Variants in CABLES1 observed in about 807,000 individuals in gnomAD.
The protein encoded by CABLES1 is Cdk5 and Abl enzyme substrate 1, also known as CDK5 and ABL1 enzyme substrate 1.
A neutral mutation model predicts 57.8 loss-of-function variants in CABLES1; 36 were observed. That is an observed-to-expected ratio of 0.62 (90% confidence interval 0.48 to 0.82). The LOEUF is 0.82. Among genes scored for constraint, CABLES1 ranks in the 40% least tolerant of loss-of-function variants. The pLI is 0.00. For missense variants in CABLES1, 767 were observed against 836.6 expected, an observed-to-expected ratio of 0.92 and a Z score of 1.03; for synonymous variants, 374 against 363.0, an observed-to-expected ratio of 1.03 and a Z score of -0.35.
chr18:23,175,704 T>C (rs2047118490), intron 1 of CABLES1, among the ~76,000 whole-genome samples: 1 of 152,196 alleles, frequency 6.6e-6, no homozygotes, highest in Non-Finnish European at 1.5e-5. Flanking sequence ...CCACCTTGGC[T>C]TCCCAAAGTC....
At chr18:23,213,903 C>A in intron 3 of CABLES1, 74 bp from the exon 4 acceptor site, 1 of 956,450 alleles carries the variant, frequency 1.0e-6, no homozygotes, top group Non-Finnish European at 1.6e-6. Flanking sequence ...TGCTTAATTG[C>A]TATAGATTTT....
intron 1 of CABLES1, among the ~76,000 whole-genome samples, chr18:23,172,831 A>T (rs2047092610): frequency 6.6e-6 from 1 of 152,180 alleles, no homozygotes; most frequent in South Asian, 2.1e-4. Context: ...ATGCACTAAT[A>T]ATATATTTCC....
chr18:23,169,134 C>G (rs2068773577), intron 1 of CABLES1, among the ~76,000 whole-genome samples: 1 of 152,202 alleles, frequency 6.6e-6, no homozygotes, highest in Non-Finnish European at 1.5e-5. Flanking sequence ...AGCGCCATGA[C>G]AGTTTACAGA....
chr18:23,137,773 G>T (rs2046833022), intron 1 of CABLES1, among the ~76,000 whole-genome samples: 1 of 152,206 alleles, frequency 6.6e-6, no homozygotes, highest in African/African-American at 2.4e-5. Context: ...TTCCGAAGTG[G>T]GTGAAATCAT....
intron 1 of CABLES1, among the ~76,000 whole-genome samples, chr18:23,173,008 G>GT (rs1311799041): frequency 2.6e-5 from 4 of 152,244 alleles, no homozygotes; most frequent in Admixed American, 2.6e-4. Context: ...TACGCCAAAG[G>GT]TTAGGGAGAT....
intron 4 of CABLES1, among the ~76,000 whole-genome samples, chr18:23,231,324 T>G (rs919002721): frequency 5.3e-5 from 8 of 152,224 alleles, no homozygotes; most frequent in African/African-American, 1.9e-4. Context: ...CTCAGTCAAC[T>G]GTTCACATTT....
At chr18:23,176,196 G>A (rs2047121914) in intron 1 of CABLES1, among the ~76,000 whole-genome samples, 1 of 152,138 alleles carries the variant, frequency 6.6e-6, no homozygotes, top group South Asian at 2.1e-4. Context: ...TCAGGGACCT[G>A]TTTCCTGGAA....
rs35642798 is a variant in CABLES1, at chr18:23,236,026, C to T, written c.1317C>T (p.Ser439=). ...GCAGCCTCTCCATAGGCCGGGCAAG[C>T]GGCACCCAGGGGAGCCTCGACACAG... The part of the protein sequence containing the change: ...SHRSLSIGRA[S]GTQGSLDTGS... Residue 439 remains serine (S), a synonymous_variant, in exon 6 of 10, where the codon AGC becomes AGT. Transcript: ENST00000256925. 2.9e-3 allele frequency: 4,636 copies of T among 1,614,198 alleles called. 8 individuals carry two copies. Among genetic ancestry groups the T allele is most frequent in the Non-Finnish European group, 3.7e-3 (4,377 of 1,180,044 alleles).
At chr18:23,218,834 C>T (rs1191367243) in intron 4 of CABLES1, among the ~76,000 whole-genome samples, 1 of 152,198 alleles carries the variant, frequency 6.6e-6, no homozygotes, top group Non-Finnish European at 1.5e-5. Flanking sequence ...CATTAGGTCA[C>T]TTGTTCTGCT....
chr18:23,135,617 C>G lies in CABLES1; in HGVS notation c.-146C>G. 1.6e-6 allele frequency: 1 copy of G among 612,174 alleles called. No homozygotes were observed. The highest frequency in any genetic ancestry group is 2.0e-6 in the Non-Finnish European group (1 of 490,150). 37.9% of individuals were successfully genotyped at this position (612,174 alleles called of 1,614,324 possible). A position where few individuals can be genotyped will look rare whatever the true frequency, so the allele number is the denominator to read the frequency against. On this transcript the variant is annotated 5_prime_UTR_variant, in exon 1 of 10. Transcript: ENST00000256925. Reference sequence around the variant, plus strand: ...AGCACCGAGGGGCGAGCATGGCCCGCCCGCGGGGGGGCTGGACCGCCGCGC... The same window carrying G: ...AGCACCGAGGGGCGAGCATGGCCCGGCCGCGGGGGGGCTGGACCGCCGCGC...
intron 7 of CABLES1, among the ~76,000 whole-genome samples, chr18:23,245,633 T>G (rs924219712): frequency 2.0e-5 from 3 of 152,200 alleles, no homozygotes; most frequent in Non-Finnish European, 4.4e-5. Flanking sequence ...CTACTCCCAC[T>G]CTAGCCCTTC....
chr18:23,256,923 G>A (rs1479304299), intron 9 of CABLES1, among the ~76,000 whole-genome samples: 5 of 152,214 alleles, frequency 3.3e-5, no homozygotes, highest in East Asian at 3.8e-4. Flanking sequence ...CTTGGAGCCC[G>A]TTTTCTCATC....
chr18:23,136,223 A>G lies in CABLES1; in HGVS notation c.461A>G (p.His154Arg). 1 of 1,265,850 alleles carries G rather than the reference A, an allele frequency of 7.9e-7. No homozygotes were observed. The highest frequency in any genetic ancestry group is 9.9e-7 in the Non-Finnish European group (1 of 1,009,238). The allele number at this position is 1,265,850 out of a possible 1,614,324, so 78.4% of individuals were successfully genotyped here. A position where few individuals can be genotyped will look rare whatever the true frequency, so the allele number is the denominator to read the frequency against. The change falls in exon 1 of 10, where the codon CAT becomes CGT. Residue 154 changes from histidine (H) to arginine (R), a missense_variant. Around this residue, in one of 4 missense-constraint regions of CABLES1, gnomAD observed 529 missense variants for 622.8 expected, o/e 0.85. Coordinates refer to ENST00000256925, the MANE Select transcript of CABLES1 (RefSeq NM_001100619.3). ...SSLPPLIPGG[H>R]ATVSGPGVAR... ...CTGCCGCCCTTGATTCCTGGCGGCC[A>G]TGCGACCGTGTCCGGCCCCGGGGTG...
chr18:23,189,430 T>C (rs183375113), intron 2 of CABLES1: 28 of 161,888 alleles, frequency 1.7e-4, no homozygotes, highest in Admixed American at 1.2e-3. Flanking sequence ...TCTTTTTGGG[T>C]GATGGCCATT....
In CABLES1 at chr18:23,243,787, G is replaced by A. The variant is rs192684564; in HGVS notation, c.1446+6542G>A. Among the ~76,000 whole-genome samples the A allele has an allele frequency of 5.3e-5, 8 of 150,414 alleles. No homozygotes were observed. The East Asian group carries it at 5.9e-4, about 11-fold the overall frequency. Reference sequence around the variant, plus strand: ...CTCAGGAGGCTGAGGCAGGAGAATCGCTTGAACCCGGGAGGCAGAGGTTGC... The same window carrying A: ...CTCAGGAGGCTGAGGCAGGAGAATCACTTGAACCCGGGAGGCAGAGGTTGC... On this transcript the variant is annotated intron_variant, in intron 7 of 9. Transcript: ENST00000256925.
chr18:23,236,288 G>A (rs969703806), intron 6 of CABLES1, among the ~76,000 whole-genome samples: 2 of 152,188 alleles, frequency 1.3e-5, no homozygotes, highest in Non-Finnish European at 2.9e-5. Flanking sequence ...AGACGCCAAG[G>A]CCGTGCACAC....
At chr18:23,234,488 A>T (rs2047588340) in intron 4 of CABLES1, 120 bp from the exon 5 acceptor site, 2 of 749,292 alleles carry the variant, frequency 2.7e-6, no homozygotes, top group African/African-American at 3.5e-5. Context: ...CTGTCCCATC[A>T]CCAGGGCTCA....
intron 3 of CABLES1, among the ~76,000 whole-genome samples, 190 bp from the exon 4 acceptor site, chr18:23,213,787 G>A (rs897795449): frequency 6.6e-6 from 1 of 152,220 alleles, no homozygotes; most frequent in Non-Finnish European, 1.5e-5. Flanking sequence ...ATGAGGAGAG[G>A]CAGCCCACTT....
chr18:23,165,507 T>C (rs1446895149), intron 1 of CABLES1, among the ~76,000 whole-genome samples: 1 of 152,010 alleles, frequency 6.6e-6, no homozygotes, highest in Non-Finnish European at 1.5e-5. Context: ...TCTGTGCGGG[T>C]TAAATAGCCC....
Sources: gnomAD v4.1 joint callset for allele counts (sites outside exome capture counted in the v4.1 genomes callset) on GRCh38, gnomAD v4.1.1 for gene constraint, gnomAD v4.1.1 regional missense constraint, MANE v1.5 for transcripts, NCBI Gene and HGNC (gene_info 2026-07-23, HGNC 2026-07-21) for gene names.